The following WDFY4 variants were observed in gnomAD, a reference collection of about 807,000 sequenced individuals.
The protein encoded by WDFY4 is WDFY family member 4, also known as WD repeat- and FYVE domain-containing protein 4.
WDFY4 carries 169 observed loss-of-function variants against 351.9 expected under a neutral mutation model. The observed-to-expected ratio is 0.48, with a 90% confidence interval of 0.42 to 0.55. The LOEUF (loss-of-function observed/expected upper bound fraction) is 0.55, where lower values mean the gene tolerates loss of function less well. WDFY4 is among the 20% of genes least tolerant of loss of function. The pLI is 0.00. For missense variants in WDFY4, 3,803 were observed against 3,935.6 expected (o/e 0.97, Z 0.90); for synonymous variants, 1,622 against 1,574.6 (o/e 1.03, Z -0.71).
intron 47 of WDFY4, among the ~76,000 whole-genome samples, chr10:48,930,176 C>G (rs1839907685): frequency 6.6e-6 from 1 of 152,172 alleles, no homozygotes; most frequent in African/African-American, 2.4e-5. Flanking sequence ...CAGAAAGGGT[C>G]TCAGCTCTCA....
intron 43 of WDFY4, among the ~76,000 whole-genome samples, chr10:48,885,931 A>G (rs1188629611): frequency 1.3e-5 from 2 of 152,194 alleles, no homozygotes; most frequent in Non-Finnish European, 2.9e-5. Flanking sequence ...ACTTTTTCTC[A>G]GCAATCTGTG....
chr10:48,822,258 T>G, intron 34 of WDFY4, 122 bp from the exon 35 acceptor site: 1 of 1,132,926 alleles, frequency 8.8e-7, no homozygotes, highest in Non-Finnish European at 1.2e-6. Flanking sequence ...AGACTCCATC[T>G]TTGGAACCAT....
chr10:48,699,153 T>A (rs2063411864), intron 1 of WDFY4, among the ~76,000 whole-genome samples: 1 of 151,614 alleles, frequency 6.6e-6, no homozygotes, highest in Admixed American at 6.6e-5. Context: ...GAGAGGGAAG[T>A]GGGAGGTGGA....
At chr10:48,724,186 A>G (rs932854202) in intron 5 of WDFY4, among the ~76,000 whole-genome samples, 4 of 151,818 alleles carry the variant, frequency 2.6e-5, no homozygotes, top group African/African-American at 7.3e-5. Flanking sequence ...CTTGCAGGGG[A>G]CGGTATGGAG....
At chr10:48,924,987 C>A (rs1263902309) in intron 47 of WDFY4, among the ~76,000 whole-genome samples, 1 of 152,206 alleles carries the variant, frequency 6.6e-6, no homozygotes, top group African/African-American at 2.4e-5. Context: ...AGGATAGACA[C>A]ATGGAACTGA....
At chr10:48,901,729 C>A in intron 46 of WDFY4, 72 bp from the exon 47 acceptor site, 3 of 1,492,208 alleles carry the variant, frequency 2.0e-6, no homozygotes, top group South Asian at 2.4e-5. Flanking sequence ...TGCCTGACTC[C>A]GGAAATGCCT....
At chr10:48,765,643 A>ACAGAAT (rs2065644780) in intron 13 of WDFY4, among the ~76,000 whole-genome samples, 1 of 152,346 alleles carries the variant, frequency 6.6e-6, no homozygotes, top group East Asian at 1.9e-4. Flanking sequence ...GAATTAAGCG[A>ACAGAAT]CAGAATCAAT....
At position 48,743,311 on chromosome 10, in the gene WDFY4, C is replaced by T. The variant is rs764058878; in HGVS notation, c.2222C>T (p.Pro741Leu). ...LRSWVDTKARPFADLLGTAFS... is the reference protein window; with the variant it reads ...LRSWVDTKARLFADLLGTAFS... ...TCTTGGGTGGACACAAAGGCCAGGC[C>T]ATTTGCAGATTTGCTGGGCACTGCC... Residue 741 changes from proline to leucine, a missense_variant, in exon 12 of 62, where the codon CCA becomes CTA. Pro to Leu is a moderately conservative substitution (Grantham distance 98, BLOSUM62 -3). Transcript: ENST00000325239. The T allele has an allele frequency of 6.4e-7, 1 of 1,551,624 alleles. No individual in the cohort carries two copies.
At chr10:48,704,263 G>C (rs140525911) in intron 1 of WDFY4, among the ~76,000 whole-genome samples, 1 of 152,258 alleles carries the variant, frequency 6.6e-6, no homozygotes, top group African/African-American at 2.4e-5. Flanking sequence ...GTTTGACCTG[G>C]ACCCCTGCCT....
chr10:48,942,398 G>A (rs1243758337), intron 48 of WDFY4, among the ~76,000 whole-genome samples: 7 of 152,254 alleles, frequency 4.6e-5, no homozygotes, highest in East Asian at 1.9e-4. Context: ...GTGTGTGCGC[G>A]CACGCGCATG....
intron 37 of WDFY4, among the ~76,000 whole-genome samples, chr10:48,829,556 G>A (rs764376326): frequency 9.2e-5 from 14 of 152,150 alleles, no homozygotes; most frequent in Non-Finnish European, 8.8e-5. Context: ...TGTAATACAA[G>A]ATTGTACACA....
At position 48,709,126 on chromosome 10, in the gene WDFY4, G is replaced by GTCT. The variant is rs1565115230; in HGVS notation, c.-17-590_-17-589insTCT. On this transcript the variant is annotated intron_variant, in intron 1 of 61. Coordinates refer to ENST00000325239, the MANE Select transcript of WDFY4 (RefSeq NM_001394531.1). Reference sequence around the variant, plus strand: ...CTAGAGAGAATAAGAGCACACATCTGGCCGGGCGCGGTGGCTCACGCCTGT... The same window carrying GTCT: ...CTAGAGAGAATAAGAGCACACATCTGTCTGCCGGGCGCGGTGGCTCACGCCTGT... 2.9e-3 allele frequency among the ~76,000 whole-genome samples: 24 copies of GTCT among 8,228 alleles called. 7 individuals carry two copies. Among genetic ancestry groups the GTCT allele is most frequent in the Non-Finnish European group, 0.029 (10 of 344 alleles). The allele number at this position is 8,228 out of a possible 152,430, so 5.4% of individuals were successfully genotyped here. A position where few individuals can be genotyped will look rare whatever the true frequency, so the allele number is the denominator to read the frequency against.
chr10:48,801,995 G>A (rs2067102776), intron 24 of WDFY4, among the ~76,000 whole-genome samples: 1 of 151,602 alleles, frequency 6.6e-6, no homozygotes, highest in Non-Finnish European at 1.5e-5. Context: ...GATTGACTTT[G>A]AAAACAGTCT....
intron 39 of WDFY4, among the ~76,000 whole-genome samples, chr10:48,860,370 C>T (rs75636135): frequency 0.042 from 6,319 of 152,242 alleles, 146 homozygotes; most frequent in African/African-American, 0.061. Flanking sequence ...AGCTAGGTGC[C>T]GGCTAATTGT....
chr10:48,855,762 A>C (rs2069111221), intron 39 of WDFY4, among the ~76,000 whole-genome samples: 1 of 152,144 alleles, frequency 6.6e-6, no homozygotes. Context: ...CTGCAGTTTG[A>C]GTTATCCATG....
At chr10:48,952,191 T>G (rs978290049) in intron 51 of WDFY4, among the ~76,000 whole-genome samples, 7 of 151,270 alleles carry the variant, frequency 4.6e-5, no homozygotes, top group Non-Finnish European at 7.3e-5. Context: ...TCTGTGTCTG[T>G]GCTCACACCC....
intron 13 of WDFY4, among the ~76,000 whole-genome samples, chr10:48,773,052 C>A (rs552138806): frequency 6.6e-6 from 1 of 152,200 alleles, no homozygotes; most frequent in Non-Finnish European, 1.5e-5. Flanking sequence ...AAATGCTCAT[C>A]ATCACTGGCC....
At chr10:48,719,921 C>A in intron 2 of WDFY4, 90 bp from the exon 3 acceptor site, 1 of 1,199,280 alleles carries the variant, frequency 8.3e-7, no homozygotes. Context: ...GAGCTGTCAG[C>A]TTGGGCTGGT....
At chr10:48,977,487 A>T (rs1478538958) in intron 59 of WDFY4, among the ~76,000 whole-genome samples, 3 of 151,632 alleles carry the variant, frequency 2.0e-5, no homozygotes, top group African/African-American at 4.9e-5. Context: ...CCATGTATCC[A>T]TCCATCCATC....
Sources: gnomAD v4.1 joint callset for allele counts (sites outside exome capture counted in the v4.1 genomes callset) on GRCh38, gnomAD v4.1.1 for gene constraint, MANE v1.5 for transcripts, NCBI Gene and HGNC (gene_info 2026-07-23, HGNC 2026-07-21) for gene names.